NOL4: variants seen among roughly 807,000 people sequenced by gnomAD.
NOL4 encodes the protein nucleolar protein 4.
Under a neutral mutation model 75.9 loss-of-function variants are expected in NOL4, and 17 were observed. The ratio of observed to expected loss-of-function variants is 0.22; its 90% CI spans 0.15 to 0.34. NOL4 has a LOEUF of 0.34. Ranked by LOEUF, NOL4 falls within the 10% of genes least tolerant of loss-of-function variation. The pLI, the probability that NOL4 is intolerant of heterozygous loss-of-function variation, is 1.00. For synonymous variants in NOL4, 292 were observed against 289.9 expected, an observed-to-expected ratio of 1.01 and a Z score of -0.07; for missense variants, 614 against 793.5, an observed-to-expected ratio of 0.77 and a Z score of 2.72.
At chr18:34,131,606 A>T (rs1159638343) in intron 1 of NOL4, among the ~76,000 whole-genome samples, 2 of 152,124 alleles carry the variant, frequency 1.3e-5, no homozygotes, top group African/African-American at 4.8e-5. Context: ...CCTTTGCTGG[A>T]AAAACAAAAA....
intron 6 of NOL4, among the ~76,000 whole-genome samples, chr18:33,990,273 C>A (rs1164603816): frequency 6.6e-6 from 1 of 151,906 alleles, no homozygotes; most frequent in African/African-American, 2.4e-5. Context: ...TGGTCACTAC[C>A]CAAAATGTAC....
At chr18:33,892,426 C>T (rs116472828) in intron 9 of NOL4, among the ~76,000 whole-genome samples, 2,492 of 152,042 alleles carry the variant, frequency 0.016, 70 homozygotes, top group African/African-American at 0.057. Flanking sequence ...GTGAGACCAT[C>T]TCTCTAAATG....
At chr18:33,943,772 T>C (rs1245390676) in intron 8 of NOL4, among the ~76,000 whole-genome samples, 1 of 151,942 alleles carries the variant, frequency 6.6e-6, no homozygotes, top group Admixed American at 6.6e-5. Flanking sequence ...GTGAGATATG[T>C]TTGCCTATGT....
chr18:33,935,010 C>T lies in NOL4; in HGVS notation c.1542+8055G>A, dbSNP rs148298895. ...AGTAGCTAGAACTACAGATGCACTGCGCCATGCCTTGCTAATCTTTTAAAA... is the reference window on the plus strand; with the variant it reads ...AGTAGCTAGAACTACAGATGCACTGTGCCATGCCTTGCTAATCTTTTAAAA... On this transcript the variant is annotated intron_variant, in intron 9 of 10. Coordinates refer to ENST00000261592, the MANE Select transcript of NOL4 (RefSeq NM_003787.5). 7.9e-5 allele frequency among the ~76,000 whole-genome samples: 12 copies of T among 152,010 alleles called. No individual in the cohort carries two copies. The East Asian group carries it at 1.2e-3, about 15-fold the overall frequency.
At chr18:34,163,496 T>A (rs551102991) in intron 1 of NOL4, among the ~76,000 whole-genome samples, 2,686 of 152,024 alleles carry the variant, frequency 0.018, 73 homozygotes, top group African/African-American at 0.062. Flanking sequence ...TCACAACTGC[T>A]TCAAAGAGAA....
At chr18:33,973,160 GTTTA>G (rs989076592) in intron 6 of NOL4, among the ~76,000 whole-genome samples, 9 of 152,114 alleles carry the variant, frequency 5.9e-5, no homozygotes, top group Admixed American at 1.3e-4. Flanking sequence ...CTTTTTGTTT[GTTTA>G]TTTGTTTGTT....
At chr18:34,051,289 T>C (rs2076614539) in intron 5 of NOL4, among the ~76,000 whole-genome samples, 1 of 152,042 alleles carries the variant, frequency 6.6e-6, no homozygotes, top group Admixed American at 6.6e-5. Context: ...GCAAAGTGAA[T>C]AGACAATACT....
chr18:34,223,406 GA>G lies in NOL4; in HGVS notation c.-154del. On this transcript the variant is annotated 5_prime_UTR_variant, in exon 1 of 11. Transcript: ENST00000261592. The stretch of plus-strand genomic sequence containing the variant: ...CTTTGGGTGGGGGAAGGGATGGGAA[GA>G]GGGGAGGAGGGTCCGGTTGGGCACC... The G allele has an allele frequency of 1.9e-6, 2 of 1,041,868 alleles. No homozygotes were observed. Among genetic ancestry groups the G allele is most frequent in the Non-Finnish European group, 2.7e-6 (2 of 733,950 alleles). 64.5% of individuals were successfully genotyped at this position (1,041,868 alleles called of 1,614,324 possible).
At chr18:34,035,301 C>T (rs755947555) in intron 5 of NOL4, among the ~76,000 whole-genome samples, 17 of 151,950 alleles carry the variant, frequency 1.1e-4, no homozygotes, top group Admixed American at 2.0e-4. Context: ...TAAAAATCAA[C>T]GCCAAGTTAA....
At chr18:33,853,544 T>C (rs1468963774) in intron 10 of NOL4, among the ~76,000 whole-genome samples, 1 of 152,110 alleles carries the variant, frequency 6.6e-6, no homozygotes, top group African/African-American at 2.4e-5. Context: ...GGAATATGTT[T>C]AGAGTTTGAC....
chr18:33,970,609 G>T (rs1404130720), intron 6 of NOL4, among the ~76,000 whole-genome samples: 2 of 152,004 alleles, frequency 1.3e-5, no homozygotes, highest in Non-Finnish European at 2.9e-5. Context: ...TAAACTGTAG[G>T]ATCACATTAT....
intron 8 of NOL4, among the ~76,000 whole-genome samples, chr18:33,951,335 T>C (rs142680872): frequency 1.6e-3 from 248 of 152,286 alleles, no homozygotes; most frequent in African/African-American, 5.6e-3. Flanking sequence ...TTCTTAGTAC[T>C]TTGAAGAAAT....
chr18:34,142,834 A>G (rs1282935049), intron 1 of NOL4, among the ~76,000 whole-genome samples: 2 of 152,176 alleles, frequency 1.3e-5, no homozygotes, highest in Non-Finnish European at 2.9e-5. Context: ...GTCTAAATAA[A>G]TAAATAAATA....
chr18:34,026,455 C>T (rs2075347009), intron 5 of NOL4, among the ~76,000 whole-genome samples: 1 of 152,150 alleles, frequency 6.6e-6, no homozygotes, highest in African/African-American at 2.4e-5. Flanking sequence ...CCACTGCTAG[C>T]TATGGGAGCC....
At chr18:33,908,574 G>A (rs1363726135) in intron 9 of NOL4, among the ~76,000 whole-genome samples, 1 of 152,090 alleles carries the variant, frequency 6.6e-6, no homozygotes, top group African/African-American at 2.4e-5. Flanking sequence ...TGAGATTAAA[G>A]TTTATAGGTT....
intron 5 of NOL4, chr18:34,023,438 A>G (rs531782383): frequency 8.8e-6 from 4 of 456,194 alleles, no homozygotes; most frequent in African/African-American, 8.0e-5. Flanking sequence ...CTGCTTCCTT[A>G]CCCAACATAG....
intron 5 of NOL4, among the ~76,000 whole-genome samples, chr18:34,064,672 A>T (rs2077194993): frequency 6.6e-6 from 1 of 151,996 alleles, no homozygotes; most frequent in South Asian, 2.1e-4. Context: ...AATATGCAGT[A>T]GTTAATAGTA....
intron 1 of NOL4, among the ~76,000 whole-genome samples, chr18:34,178,213 C>T (rs987599784): frequency 2.8e-4 from 43 of 151,586 alleles, no homozygotes; most frequent in African/African-American, 1.0e-3. Flanking sequence ...GTAATCCCCA[C>T]AACAACCACT....
chr18:33,961,947 T>A (rs1479222990), intron 6 of NOL4, among the ~76,000 whole-genome samples: 1 of 152,166 alleles, frequency 6.6e-6, no homozygotes, highest in African/African-American at 2.4e-5. Context: ...CGGGGCCTGT[T>A]ATGGTATCTC....
Sources: gnomAD v4.1 joint callset for allele counts (sites outside exome capture counted in the v4.1 genomes callset) on GRCh38, gnomAD v4.1.1 for gene constraint, MANE v1.5 for transcripts, NCBI Gene and HGNC (gene_info 2026-07-23, HGNC 2026-07-21) for gene names.